The following THSD7B variants were observed in gnomAD, a reference collection of about 807,000 sequenced individuals.
THSD7B encodes thrombospondin type-1 domain-containing protein 7B.
A neutral mutation model predicts 213.6 loss-of-function variants in THSD7B; 138 were observed. That is an observed-to-expected ratio of 0.65 (90% CI 0.56 to 0.74). The LOEUF is 0.74. THSD7B is among the 30% of genes least tolerant of loss of function. The pLI is 0.00. For synonymous variants in THSD7B, 742 were observed against 687.0 expected, an observed-to-expected ratio of 1.08 and a Z score of -1.25; for missense variants, 1,931 against 1,991.5, an observed-to-expected ratio of 0.97 and a Z score of 0.58.
At chr2:137,086,087 C>G (rs1447450233) in intron 3 of THSD7B, among the ~76,000 whole-genome samples, 3 of 152,112 alleles carry the variant, frequency 2.0e-5, no homozygotes, top group Non-Finnish European at 4.4e-5. Flanking sequence ...TGGCTTATGC[C>G]TGTAATCCCA....
intron 15 of THSD7B, among the ~76,000 whole-genome samples, chr2:137,459,759 T>C (rs977587726): frequency 5.9e-5 from 9 of 152,120 alleles, no homozygotes; most frequent in African/African-American, 2.2e-4. Context: ...ATCATAACCG[T>C]TATTGGTCAT....
intron 15 of THSD7B, among the ~76,000 whole-genome samples, chr2:137,491,324 T>C (rs976361860): frequency 6.6e-6 from 1 of 152,222 alleles, no homozygotes; most frequent in Admixed American, 6.5e-5. Flanking sequence ...CCTTTGTGAA[T>C]TGATCATGGA....
chr2:137,639,612 G>A (rs889332626), intron 20 of THSD7B, among the ~76,000 whole-genome samples: 2 of 152,054 alleles, frequency 1.3e-5, no homozygotes, highest in Non-Finnish European at 1.5e-5. Flanking sequence ...GACACTCAAC[G>A]CCAGCCCATG....
intron 2 of THSD7B, among the ~76,000 whole-genome samples, chr2:136,981,708 A>C (rs1685580690): frequency 6.6e-6 from 1 of 152,100 alleles, no homozygotes; most frequent in African/African-American, 2.4e-5. Flanking sequence ...CCTCTTTATC[A>C]TCAACTTCTC....
chr2:136,790,636 T>C (rs1251935790), intron 1 of THSD7B, among the ~76,000 whole-genome samples: 5 of 152,162 alleles, frequency 3.3e-5, no homozygotes, highest in African/African-American at 1.2e-4. Context: ...ATTCAAAGAC[T>C]GTAATTTATA....
At chr2:137,425,096 AATG>A (rs1355973845) in intron 14 of THSD7B, among the ~76,000 whole-genome samples, 8 of 20,918 alleles carry the variant, frequency 3.8e-4, no homozygotes, top group South Asian at 7.9e-3. Flanking sequence ...TAATAATAAT[AATG>A]ATAATAATAA....
intron 9 of THSD7B, 40 bp from the exon 10 acceptor site, chr2:137,242,415 GTC>G (rs1361204479): frequency 1.2e-5 from 18 of 1,486,656 alleles, no homozygotes; most frequent in Non-Finnish European, 1.7e-5. Flanking sequence ...CAACGGCTTA[GTC>G]TCTCAAAAAG....
intron 7 of THSD7B, among the ~76,000 whole-genome samples, chr2:137,217,580 T>C (rs736113): frequency 0.6 from 90,726 of 151,874 alleles, 27,513 homozygotes; most frequent in South Asian, 0.71. Context: ...GCTTGTAAAT[T>C]AGTGCCTTTA....
intron 15 of THSD7B, among the ~76,000 whole-genome samples, chr2:137,558,078 A>G (rs530490653): frequency 6.6e-6 from 1 of 152,202 alleles, no homozygotes; most frequent in East Asian, 1.9e-4. Context: ...TTAATAGCTT[A>G]CCAACCACAA....
intron 12 of THSD7B, among the ~76,000 whole-genome samples, chr2:137,404,289 G>A (rs1049727606): frequency 4.6e-5 from 7 of 151,016 alleles, no homozygotes; most frequent in Admixed American, 4.0e-4. Flanking sequence ...CCCACTACTC[G>A]GTATCTACCC....
At chr2:136,926,401 T>TA (rs375521702) in intron 2 of THSD7B, among the ~76,000 whole-genome samples, 3 of 151,066 alleles carry the variant, frequency 2.0e-5, no homozygotes, top group Admixed American at 1.3e-4. Context: ...AAAAAAAAGT[T>TA]AAAAAAAATT....
chr2:137,169,133 G>A (rs192078043), intron 6 of THSD7B, among the ~76,000 whole-genome samples: 1 of 145,982 alleles, frequency 6.9e-6, no homozygotes, highest in African/African-American at 2.5e-5. Flanking sequence ...GAGTCTAGGA[G>A]TCTCTTTTAA....
At chr2:137,333,614 A>C (rs116040132) in intron 12 of THSD7B, among the ~76,000 whole-genome samples, 1,674 of 152,278 alleles carry the variant, frequency 0.011, 38 homozygotes, top group African/African-American at 0.038. Flanking sequence ...CCAGACTGCT[A>C]AGGTCTCCCT....
intron 1 of THSD7B, among the ~76,000 whole-genome samples, chr2:136,854,468 C>T (rs1243037750): frequency 6.6e-6 from 1 of 151,706 alleles, no homozygotes; most frequent in Non-Finnish European, 1.5e-5. Context: ...TTCTAACCAC[C>T]CCGCACTCCT....
chr2:137,644,641 AT>A (rs1218941208), intron 21 of THSD7B, among the ~76,000 whole-genome samples: 1 of 152,196 alleles, frequency 6.6e-6, no homozygotes, highest in Admixed American at 6.5e-5. Flanking sequence ...CTATACTTAA[AT>A]TTATATATAA....
chr2:137,603,048 T>A (rs1161959696), intron 17 of THSD7B, among the ~76,000 whole-genome samples: 1 of 152,220 alleles, frequency 6.6e-6, no homozygotes, highest in African/African-American at 2.4e-5. Flanking sequence ...CTTAGTGTAA[T>A]TGGTGGTGAG....
At chr2:137,233,719 A>C (rs1681696670) in intron 9 of THSD7B, among the ~76,000 whole-genome samples, 1 of 152,376 alleles carries the variant, frequency 6.6e-6, no homozygotes, top group Non-Finnish European at 1.5e-5. Context: ...AAAACGATCA[A>C]GAACAACTGC....
chr2:137,035,740 T>C (rs1286609446), intron 2 of THSD7B, among the ~76,000 whole-genome samples: 3 of 152,114 alleles, frequency 2.0e-5, no homozygotes, highest in African/African-American at 7.2e-5. Context: ...CAATACTTCC[T>C]TGCCTCTGAG....
At chr2:137,038,933 G>C (rs1183343563) in intron 2 of THSD7B, among the ~76,000 whole-genome samples, 1 of 150,112 alleles carries the variant, frequency 6.7e-6, no homozygotes, top group Non-Finnish European at 1.5e-5. Flanking sequence ...AAAGTCTAGA[G>C]GTTTTTTTTC....
Sources: allele counts gnomAD v4.1 joint callset (sites outside exome capture counted in the v4.1 genomes callset), GRCh38; gene constraint gnomAD v4.1.1; transcripts MANE v1.5; gene names NCBI Gene and HGNC (gene_info 2026-07-23, HGNC 2026-07-21).